The following GRM7 variants were observed in gnomAD, a reference collection of about 807,000 sequenced individuals.
GRM7 encodes metabotropic glutamate receptor 7.
Under a neutral mutation model 84.5 loss-of-function variants are expected in GRM7, and 35 were observed. The ratio of observed to expected loss-of-function variants is 0.41; its 90% CI spans 0.32 to 0.55. GRM7 has a LOEUF of 0.55. Ranked by LOEUF, GRM7 falls within the 20% of genes least tolerant of loss-of-function variation. The pLI, the probability that GRM7 is intolerant of heterozygous loss-of-function variation, is 0.19. For missense variants in GRM7, 1,003 were observed against 1,194.6 expected, an observed-to-expected ratio of 0.84 and a Z score of 2.36; for synonymous variants, 487 against 455.1, an observed-to-expected ratio of 1.07 and a Z score of -0.89.
intron 8 of GRM7, among the ~76,000 whole-genome samples, chr3:7,602,554 C>A (rs1309906112): frequency 3.9e-5 from 6 of 152,144 alleles, no homozygotes; most frequent in Non-Finnish European, 8.8e-5. Flanking sequence ...CTCTTCCGTG[C>A]TCTCCCCTGT....
intron 5 of GRM7, among the ~76,000 whole-genome samples, chr3:7,446,946 T>C (rs191149792): frequency 6.6e-6 from 1 of 152,270 alleles, no homozygotes; most frequent in African/African-American, 2.4e-5. Flanking sequence ...CCATTAGAAA[T>C]TCTGAGAGTG....
At chr3:7,559,831 C>T (rs1441298427) in intron 7 of GRM7, among the ~76,000 whole-genome samples, 2 of 152,030 alleles carry the variant, frequency 1.3e-5, no homozygotes, top group Middle Eastern at 3.2e-3. Context: ...CATCAAAGTG[C>T]CATCAGTATT....
intron 7 of GRM7, among the ~76,000 whole-genome samples, chr3:7,517,486 G>A (rs568401324): frequency 1.0e-3 from 158 of 152,136 alleles, no homozygotes; most frequent in Non-Finnish European, 1.9e-3. Context: ...TCCACCTCCC[G>A]GGTTCAAGGG....
intron 4 of GRM7, among the ~76,000 whole-genome samples, chr3:7,401,548 G>A (rs546462473): frequency 6.6e-6 from 1 of 152,056 alleles, no homozygotes; most frequent in East Asian, 1.9e-4. Context: ...CAATCTGGCG[G>A]CAGATTGAAG....
intron 1 of GRM7, among the ~76,000 whole-genome samples, chr3:7,091,122 TA>T (rs1371725645): frequency 2.6e-5 from 4 of 151,682 alleles, no homozygotes; most frequent in African/African-American, 9.7e-5. Flanking sequence ...TTGAGTGATA[TA>T]AATTCTTTAG....
At chr3:7,175,561 A>G (rs1309040744) in intron 2 of GRM7, among the ~76,000 whole-genome samples, 1 of 152,176 alleles carries the variant, frequency 6.6e-6, no homozygotes, top group Non-Finnish European at 1.5e-5. Context: ...TTTTTGAGAC[A>G]AAGTGTCACT....
chr3:7,515,355 TTGGCAGCATCCC>T (rs1340620850), intron 7 of GRM7, among the ~76,000 whole-genome samples: 12 of 152,280 alleles, frequency 7.9e-5, no homozygotes, highest in African/African-American at 2.4e-4. Context: ...AGGTTTAGCT[TTGGCAGCATCCC>T]TGGCCTCTGT....
intron 7 of GRM7, among the ~76,000 whole-genome samples, chr3:7,488,285 T>C (rs536280748): frequency 9.9e-5 from 15 of 152,214 alleles, no homozygotes; most frequent in African/African-American, 3.6e-4. Context: ...AATAACTGTA[T>C]TTTGCACTAT....
chr3:6,938,196 C>T (rs1276933367), intron 1 of GRM7, among the ~76,000 whole-genome samples: 1 of 152,196 alleles, frequency 6.6e-6, no homozygotes, highest in Non-Finnish European at 1.5e-5. Context: ...CCTTCATTCA[C>T]CATTTTGAAC....
rs760807880 is a variant in GRM7 at position 6,988,163 on chromosome 3, ATTTTTTTTTT to A, written c.519+126274_519+126283del. 2.7e-3 allele frequency among the ~76,000 whole-genome samples: 255 copies of A among 95,282 alleles called. 3 individuals are homozygous for A. In the East Asian group the frequency reaches 0.04, roughly 15 times the overall value. 62.5% of individuals were successfully genotyped at this position (95,282 alleles called of 152,430 possible). A position where few individuals can be genotyped will look rare whatever the true frequency, so the allele number is the denominator to read the frequency against. ...AGGCGGCCACCATCACGCCTGGCTA[ATTTTTTTTTT>A]TTTTTTTTTTTTTTTTTAGTAGAGA... On this transcript the variant is annotated intron_variant, in intron 1 of 9. Coordinates refer to ENST00000357716, the MANE Select transcript of GRM7 (RefSeq NM_000844.4).
At chr3:6,901,640 T>C (rs1004380866) in intron 1 of GRM7, among the ~76,000 whole-genome samples, 1 of 103,340 alleles carries the variant, frequency 9.7e-6, no homozygotes, top group Non-Finnish European at 2.0e-5. Context: ...AAAAAAAATA[T>C]GTAGAATAAT....
At chr3:7,431,457 G>T (rs11917577) in intron 5 of GRM7, among the ~76,000 whole-genome samples, 5,163 of 152,198 alleles carry the variant, frequency 0.034, 310 homozygotes, top group African/African-American at 0.12. Flanking sequence ...ATATGTATTT[G>T]TCAAAACTGA....
At chr3:7,176,906 C>T (rs1695169779) in intron 2 of GRM7, among the ~76,000 whole-genome samples, 1 of 152,180 alleles carries the variant, frequency 6.6e-6, no homozygotes, top group Non-Finnish European at 1.5e-5. Context: ...GTCACCATTA[C>T]CTGTAAAAGA....
intron 7 of GRM7, among the ~76,000 whole-genome samples, chr3:7,489,170 A>G (rs150001018): frequency 6.6e-6 from 1 of 152,158 alleles, no homozygotes; most frequent in Non-Finnish European, 1.5e-5. Context: ...ACTGTGGTTC[A>G]CCATAAGAAA....
At chr3:7,405,348 A>G (rs1444538836) in intron 4 of GRM7, among the ~76,000 whole-genome samples, 1 of 152,090 alleles carries the variant, frequency 6.6e-6, no homozygotes, top group Non-Finnish European at 1.5e-5. Flanking sequence ...TATTTTATTT[A>G]TTTTTATAAT....
intron 1 of GRM7, among the ~76,000 whole-genome samples, chr3:7,025,629 C>T (rs1046693801): frequency 6.6e-6 from 1 of 152,142 alleles, no homozygotes; most frequent in African/African-American, 2.4e-5. Flanking sequence ...ATTATTGGTG[C>T]ACTCCTCTGC....
intron 4 of GRM7, among the ~76,000 whole-genome samples, chr3:7,367,422 A>G (rs948623390): frequency 6.6e-6 from 1 of 152,004 alleles, no homozygotes; most frequent in African/African-American, 2.4e-5. Context: ...TCCAACAAGA[A>G]GCAATATTTC....
chr3:7,024,553 G>A (rs947761008), intron 1 of GRM7, among the ~76,000 whole-genome samples: 19 of 152,244 alleles, frequency 1.2e-4, no homozygotes, highest in Non-Finnish European at 2.2e-4. Flanking sequence ...GGTAACTGCT[G>A]GGGCAGGTGC....
At chr3:7,642,712 A>T (rs550337243) in intron 8 of GRM7, among the ~76,000 whole-genome samples, 3 of 152,272 alleles carry the variant, frequency 2.0e-5, no homozygotes, top group Non-Finnish European at 4.4e-5. Context: ...TTCGTTGGAG[A>T]ACTCAAACAA....
Sources: gnomAD v4.1 joint callset for allele counts (sites outside exome capture counted in the v4.1 genomes callset) on GRCh38, gnomAD v4.1.1 for gene constraint, MANE v1.5 for transcripts, NCBI Gene and HGNC (gene_info 2026-07-23, HGNC 2026-07-21) for gene names.